Variants in RCAN2 observed in about 807,000 individuals in gnomAD.
RCAN2 encodes the protein regulator of calcineurin 2.
In RCAN2, 9 loss-of-function variants were observed where a neutral mutation model predicts 23.6. The observed-to-expected ratio is 0.38, with a 90% CI of 0.23 to 0.67. RCAN2 has a LOEUF of 0.67. Among genes scored for constraint, RCAN2 ranks in the 30% least tolerant of loss-of-function variants. RCAN2 has a pLI of 0.51. For missense variants in RCAN2, 273 were observed against 302.3 expected, an observed-to-expected ratio of 0.90 and a Z score of 0.72; for synonymous variants, 109 against 115.7, an observed-to-expected ratio of 0.94 and a Z score of 0.37.
chr6:46,264,361 G>T (rs193293422), intron 2 of RCAN2, among the ~76,000 whole-genome samples: 2 of 152,266 alleles, frequency 1.3e-5, no homozygotes, highest in East Asian at 3.9e-4. Flanking sequence ...TTTTTCCCAT[G>T]AAATTAAAAT....
intron 2 of RCAN2, among the ~76,000 whole-genome samples, chr6:46,442,078 C>A (rs1767564233): frequency 6.6e-6 from 1 of 152,206 alleles, no homozygotes; most frequent in South Asian, 2.1e-4. Context: ...AATTTCATGC[C>A]CACCAAACTG....
chr6:46,408,275 C>A (rs1416093646), intron 2 of RCAN2, among the ~76,000 whole-genome samples: 1 of 152,136 alleles, frequency 6.6e-6, no homozygotes, highest in Non-Finnish European at 1.5e-5. Flanking sequence ...TAGAGCCATC[C>A]GATATGAGGC....
At chr6:46,465,883 T>G (rs1017054735) in intron 1 of RCAN2, among the ~76,000 whole-genome samples, 1 of 152,242 alleles carries the variant, frequency 6.6e-6, no homozygotes, top group African/African-American at 2.4e-5. Flanking sequence ...TTAATTTCAA[T>G]AGCACTTTAA....
At position 46,373,199 on chromosome 6, in the gene RCAN2, A is replaced by C. The variant is rs1765366225; in HGVS notation, c.225+83553T>G. Among the ~76,000 whole-genome samples the C allele has an allele frequency of 3.3e-5, 5 of 152,324 alleles. No individual in the cohort carries two copies. In the South Asian group the frequency reaches 1.0e-3, roughly 32 times the overall value. ...AGTTCAGTTGCTGGCAGGTAAACTA[A>C]AGCTACGGGGTCAAGAAACATAAAT... On this transcript the variant is annotated intron_variant, in intron 2 of 4. Transcript: ENST00000371374.
intron 2 of RCAN2, among the ~76,000 whole-genome samples, chr6:46,390,988 G>A (rs1327889261): frequency 6.6e-6 from 1 of 152,142 alleles, no homozygotes; most frequent in Non-Finnish European, 1.5e-5. Context: ...GGCAGACAAA[G>A]GAAGCTGAGG....
At chr6:46,236,598 A>G (rs1263918248) in intron 4 of RCAN2, among the ~76,000 whole-genome samples, 1 of 152,240 alleles carries the variant, frequency 6.6e-6, no homozygotes, top group African/African-American at 2.4e-5. Flanking sequence ...GGTACACATT[A>G]GTGTTCAATG....
At chr6:46,395,792 C>T (rs1766072463) in intron 2 of RCAN2, among the ~76,000 whole-genome samples, 1 of 152,120 alleles carries the variant, frequency 6.6e-6, no homozygotes, top group African/African-American at 2.4e-5. Context: ...TTACAATATA[C>T]TTATTTACCT....
chr6:46,363,134 A>G (rs1420197540), intron 2 of RCAN2, among the ~76,000 whole-genome samples: 1 of 152,226 alleles, frequency 6.6e-6, no homozygotes, highest in Non-Finnish European at 1.5e-5. Flanking sequence ...TAGGAAACTC[A>G]AACTGCTGTG....
intron 2 of RCAN2, among the ~76,000 whole-genome samples, chr6:46,385,920 A>G (rs1765732639): frequency 6.6e-6 from 1 of 151,796 alleles, no homozygotes; most frequent in African/African-American, 2.4e-5. Context: ...TAAAAATCCT[A>G]GAAGAAAACC....
chr6:46,436,360 G>T (rs991998561), intron 2 of RCAN2, among the ~76,000 whole-genome samples: 2 of 152,148 alleles, frequency 1.3e-5, no homozygotes, highest in African/African-American at 4.8e-5. Flanking sequence ...TTACAGGCGC[G>T]TGCCAGCATG....
At chr6:46,328,638 G>T (rs1361545919) in intron 2 of RCAN2, among the ~76,000 whole-genome samples, 1 of 151,998 alleles carries the variant, frequency 6.6e-6, no homozygotes, top group Non-Finnish European at 1.5e-5. Context: ...TTGAGATACA[G>T]TCTCATTCTA....
intron 2 of RCAN2, among the ~76,000 whole-genome samples, chr6:46,453,575 C>G (rs116489039): frequency 6.6e-6 from 1 of 152,208 alleles, no homozygotes; most frequent in African/African-American, 2.4e-5. Context: ...GAATATTTAT[C>G]ATTTTGCACA....
At chr6:46,360,332 A>G (rs111959542) in intron 2 of RCAN2, among the ~76,000 whole-genome samples, 4 of 152,000 alleles carry the variant, frequency 2.6e-5, no homozygotes, top group African/African-American at 9.6e-5. Context: ...GGAGGTGGAG[A>G]CCATGCTGGC....
chr6:46,354,556 T>C (rs114989460), intron 2 of RCAN2, among the ~76,000 whole-genome samples: 1,747 of 152,270 alleles, frequency 0.011, 15 homozygotes, highest in Non-Finnish European at 0.017. Flanking sequence ...TATTTCAAAA[T>C]GAGAAGTTAA....
At chr6:46,458,896 C>CGCGCGCGTGTGT (rs57335093) in intron 1 of RCAN2, among the ~76,000 whole-genome samples, 35 of 150,134 alleles carry the variant, frequency 2.3e-4, no homozygotes, top group African/African-American at 6.4e-4. Flanking sequence ...CGCGCGCGCA[C>CGCGCGCGTGTGT]GTGTGTGTGT....
At chr6:46,330,934 C>T (rs549419018) in intron 2 of RCAN2, among the ~76,000 whole-genome samples, 30 of 152,262 alleles carry the variant, frequency 2.0e-4, no homozygotes, top group African/African-American at 6.7e-4. Flanking sequence ...AGACTCCTTC[C>T]TAGATGGTGC....
At chr6:46,435,890 T>A (rs1241761091) in intron 2 of RCAN2, among the ~76,000 whole-genome samples, 1 of 152,150 alleles carries the variant, frequency 6.6e-6, no homozygotes, top group African/African-American at 2.4e-5. Context: ...TAACTATACA[T>A]CAAACATAAA....
chr6:46,320,936 A>G (rs761891955), intron 2 of RCAN2, among the ~76,000 whole-genome samples: 1 of 152,122 alleles, frequency 6.6e-6, no homozygotes, highest in Non-Finnish European at 1.5e-5. Context: ...TGACCGTCTC[A>G]ATGGGTACCT....
intron 4 of RCAN2, among the ~76,000 whole-genome samples, chr6:46,234,817 G>T (rs1277069700): frequency 6.6e-6 from 1 of 152,202 alleles, no homozygotes; most frequent in Admixed American, 6.5e-5. Context: ...GTTCTGTCTC[G>T]TCTTTTCCCA....
Sources: gnomAD v4.1 joint callset for allele counts (sites outside exome capture counted in the v4.1 genomes callset) on GRCh38, gnomAD v4.1.1 for gene constraint, MANE v1.5 for transcripts, NCBI Gene and HGNC (gene_info 2026-07-23, HGNC 2026-07-21) for gene names.